Variants in SYNE2 observed in about 807,000 individuals in gnomAD.
SYNE2 encodes the protein nesprin-2.
In SYNE2, 431 loss-of-function variants were observed where a neutral mutation model predicts 856.3. The ratio of observed to expected loss-of-function variants is 0.50; its 90% CI spans 0.47 to 0.55. The LOEUF is 0.55. SYNE2 is among the 20% of genes least tolerant of loss of function. The pLI, the probability that SYNE2 is intolerant of heterozygous loss-of-function variation, is 0.00. For synonymous variants in SYNE2, 2,923 were observed against 2,872.3 expected (o/e 1.02, Z -0.56); for missense variants, 8,129 against 8,023.2 (o/e 1.01, Z -0.50).
At chr14:64,063,976 A>C (rs2097337853) in intron 50 of SYNE2, among the ~76,000 whole-genome samples, 2 of 152,214 alleles carry the variant, frequency 1.3e-5, no homozygotes, top group Admixed American at 1.3e-4. Flanking sequence ...AGAGGTCAAC[A>C]ACAATAACAG....
At chr14:64,007,274 A>G (rs757017057) in intron 31 of SYNE2, 52 bp downstream of exon 31, 2 of 1,571,434 alleles carry the variant, frequency 1.3e-6, no homozygotes, top group East Asian at 4.5e-5. Context: ...CTGTAGCACA[A>G]TTAACTTTTT....
At chr14:63,878,093 C>T (rs1038203518) in intron 1 of SYNE2, among the ~76,000 whole-genome samples, 1 of 152,046 alleles carries the variant, frequency 6.6e-6, no homozygotes, top group African/African-American at 2.4e-5. Context: ...TACTGTGTTA[C>T]CCAGGCTGGT....
chr14:64,138,971 G>A (rs948369349), intron 79 of SYNE2, among the ~76,000 whole-genome samples: 1 of 142,928 alleles, frequency 7.0e-6, no homozygotes, highest in Non-Finnish European at 1.5e-5. Context: ...GTGTGTGTGT[G>A]TGTGTGTGTA....
rs375700055 is a variant in SYNE2, at chr14:64,049,670, A to T, written c.7437A>T (p.Glu2479Asp). The change falls in exon 47 of 116, where the codon GAA becomes GAT. Residue 2479 changes from glutamate to aspartate, a missense_variant. Transcript: ENST00000555002. ...CCATTAAGCCACTGGAACAAACAGA[A>T]TGTCTTAACAAAACAGAAACTGGGG... Reference protein sequence around the residue: ...KAAIKPLEQTECLNKTETGAL... With the variant: ...KAAIKPLEQTDCLNKTETGAL... The T allele has an allele frequency of 3.8e-5, 61 of 1,614,062 alleles. No homozygotes were observed. The highest frequency in any genetic ancestry group is 5.0e-5 in the Non-Finnish European group (59 of 1,180,022).
At chr14:63,976,419 G>C (rs1752231857) in intron 11 of SYNE2, 144 bp from the exon 12 acceptor site, 1 of 813,344 alleles carries the variant, frequency 1.2e-6, no homozygotes, top group Non-Finnish European at 1.9e-6. Context: ...TTTACCCATT[G>C]ATGAAGATTT....
At chr14:64,199,988 AC>A (rs1211821762) in intron 99 of SYNE2, among the ~76,000 whole-genome samples, 1 of 150,882 alleles carries the variant, frequency 6.6e-6, no homozygotes, top group Non-Finnish European at 1.5e-5. Context: ...CCTTCTCCAT[AC>A]CCCCTCTGCG....
chr14:63,868,346 A>G (rs1895966874), intron 1 of SYNE2, among the ~76,000 whole-genome samples: 1 of 151,990 alleles, frequency 6.6e-6, no homozygotes, highest in African/African-American at 2.4e-5. Flanking sequence ...GTGGTGGTGC[A>G]CACCTGTAGT....
rs2098655387 is a variant in SYNE2 at position 64,214,204 on chromosome 14, A to G, written c.19067A>G (p.Asp6356Gly). The G allele has an allele frequency of 3.7e-6, 6 of 1,614,186 alleles. No individual in the cohort carries two copies. The highest frequency in any genetic ancestry group is 1.3e-5 in the African/African-American group (1 of 75,042). The stretch of plus-strand genomic sequence containing the variant: ...GATACTGTGGTTTAGGGCTTGGAAG[A>G]TGAAAAGGAGGCCTCTGAGAATGAA... ...RLTSCTPGLE[D>G]EKEASENETD... Residue 6356 changes from aspartate (D) to glycine (G), a missense_variant, in exon 106 of 116, where the codon GAT (aspartate) becomes GGT (glycine). Physicochemically the swap from Asp to Gly is moderately conservative, Grantham distance 94. This residue lies in a region of SYNE2 where 5,410 missense variants were observed against 5,284.8 expected (regional missense o/e 1.02). Transcript: ENST00000555002.
In SYNE2 at chr14:64,068,644, G is replaced by A. The variant is rs141820406; in HGVS notation, c.10432-2001G>A. Reference sequence around the variant, plus strand: ...TGGGTGGCCTAGACAGGTGGATCACGAGGTCAGGAGTTCAAGATCAGCCTG... The same window carrying A: ...TGGGTGGCCTAGACAGGTGGATCACAAGGTCAGGAGTTCAAGATCAGCCTG... On this transcript the variant is annotated intron_variant, in intron 51 of 115. Coordinates refer to ENST00000555002, the MANE Select transcript of SYNE2 (RefSeq NM_182914.3). Among the ~76,000 whole-genome samples, 83 of 152,024 alleles carry A rather than the reference G, an allele frequency of 5.5e-4. 1 individual carries two copies. The highest frequency in any genetic ancestry group is 1.6e-3 in the African/African-American group (66 of 41,454).
chr14:64,072,049 A>G (rs935541020), intron 52 of SYNE2, among the ~76,000 whole-genome samples: 3 of 152,212 alleles, frequency 2.0e-5, no homozygotes, highest in Admixed American at 6.5e-5. Flanking sequence ...ATAATATTCT[A>G]CCATGAAGAT....
chr14:63,819,324 C>T (rs1048627756), intron 1 of SYNE2, among the ~76,000 whole-genome samples: 2 of 151,954 alleles, frequency 1.3e-5, no homozygotes, highest in Non-Finnish European at 2.9e-5. Flanking sequence ...CTCTGCTTCT[C>T]GGTTTCAAGC....
rs1203724180 is a variant in SYNE2, at chr14:63,990,974, GAACTT to G, written c.2510_2514del (p.Leu837Ter). The G allele has an allele frequency of 6.2e-7, 1 of 1,613,998 alleles. No homozygotes were observed. Among genetic ancestry groups the G allele is most frequent in the African/African-American group, 1.3e-5 (1 of 74,932 alleles). On this transcript the variant is annotated frameshift_variant, in exon 21 of 116. Coordinates refer to ENST00000555002, the MANE Select transcript of SYNE2 (RefSeq NM_182914.3). LOFTEE classifies it high-confidence loss of function. The stretch of plus-strand genomic sequence containing the variant: ...TGGTAAAACTCATTGCAGCGTTGAA[GAACTT>G]AACTGACGTTTCACCAGATTTGGAC...
chr14:64,020,408 C>G (rs779413563), intron 35 of SYNE2, among the ~76,000 whole-genome samples: 4 of 152,128 alleles, frequency 2.6e-5, no homozygotes, highest in Admixed American at 6.5e-5. Flanking sequence ...TAAAATAATG[C>G]TTAAAAATCA....
intron 52 of SYNE2, 64 bp from the exon 53 acceptor site, chr14:64,073,904 T>G: frequency 6.5e-7 from 1 of 1,539,490 alleles, no homozygotes; most frequent in Admixed American, 1.7e-5. Flanking sequence ...GCAATAAAAC[T>G]GTTTCATTTT....
At chr14:64,058,460 C>T (rs895230749) in intron 49 of SYNE2, among the ~76,000 whole-genome samples, 1 of 151,820 alleles carries the variant, frequency 6.6e-6, no homozygotes, top group Non-Finnish European at 1.5e-5. Flanking sequence ...CATTATCTCT[C>T]CCTCTACCTC....
chr14:64,100,918 G>A (rs1237357350), intron 63 of SYNE2, among the ~76,000 whole-genome samples: 1 of 150,678 alleles, frequency 6.6e-6, no homozygotes, highest in African/African-American at 2.4e-5. Context: ...GTCCTTCTGT[G>A]CCTGGATTAT....
In SYNE2 at chr14:63,900,741, A is replaced by G. The variant is rs2095326331; in HGVS notation, c.-51-8357A>G. ...ATCACCTGACCTGGAAATATGCACC[A>G]GTTGCTTCTAGTCAAATGATGATTA... On this transcript the variant is annotated intron_variant, in intron 1 of 115. Transcript: ENST00000555002. 2.0e-5 allele frequency among the ~76,000 whole-genome samples: 3 copies of G among 152,228 alleles called. No individual in the cohort carries two copies. The South Asian group carries it at 6.2e-4, about 31-fold the overall frequency.
intron 1 of SYNE2, among the ~76,000 whole-genome samples, chr14:63,804,661 CT>C (rs1270820941): frequency 6.6e-6 from 1 of 152,008 alleles, no homozygotes; most frequent in Admixed American, 6.6e-5. Flanking sequence ...GCCCAGCTAA[CT>C]TTGTATTCTT....
rs1160261185 is a variant in SYNE2, at chr14:63,993,389, C to CA, written c.2647-440dup. Among the ~76,000 whole-genome samples, 5 of 152,124 alleles carry CA rather than the reference C, an allele frequency of 3.3e-5. No homozygotes were observed. In the East Asian group the frequency reaches 7.7e-4, roughly 24 times the overall value. On this transcript the variant is annotated intron_variant, in intron 21 of 115. Transcript: ENST00000555002. ...GACAGATCGCGATCCTATCTCAAAA[C>CA]AAAAAACAAAACGAAACAAAACTGT...
Sources: gnomAD v4.1 joint callset for allele counts (sites outside exome capture counted in the v4.1 genomes callset) on GRCh38, gnomAD v4.1.1 for gene constraint, gnomAD v4.1.1 regional missense constraint, MANE v1.5 for transcripts, NCBI Gene and HGNC (gene_info 2026-07-23, HGNC 2026-07-21) for gene names.